Variants in TNIP1 observed in about 807,000 individuals in gnomAD.
TNIP1 encodes TNFAIP3-interacting protein 1.
Under a neutral mutation model 86.6 loss-of-function variants are expected in TNIP1, and 22 were observed. The observed-to-expected ratio is 0.25, with a 90% confidence interval of 0.18 to 0.36. The LOEUF is 0.36. Ranked by LOEUF, TNIP1 falls within the 10% of genes least tolerant of loss-of-function variation. The pLI is 1.00. For synonymous variants in TNIP1, 294 were observed against 313.0 expected, an observed-to-expected ratio of 0.94 and a Z score of 0.64; for missense variants, 709 against 820.6, an observed-to-expected ratio of 0.86 and a Z score of 1.66.
upstream of TNIP1, among the ~76,000 whole-genome samples, chr5:151,081,579 G>T (rs542740457): frequency 6.6e-6 from 1 of 152,234 alleles, no homozygotes; most frequent in African/African-American, 2.4e-5. Flanking sequence ...TCCAGACATT[G>T]TAAAGGATTC....
At chr5:151,077,238 G>A (rs774833673) in intron 1 of TNIP1, among the ~76,000 whole-genome samples, 1 of 152,194 alleles carries the variant, frequency 6.6e-6, no homozygotes, top group African/African-American at 2.4e-5. Flanking sequence ...CCGTGATAGT[G>A]ACATTAATCT....
At chr5:151,048,493 G>C (rs1464455006) in intron 8 of TNIP1, among the ~76,000 whole-genome samples, 1 of 152,156 alleles carries the variant, frequency 6.6e-6, no homozygotes, top group African/African-American at 2.4e-5. Flanking sequence ...TATTCCACCT[G>C]CATGCAATTC....
intron 3 of TNIP1, among the ~76,000 whole-genome samples, chr5:151,062,877 C>CAATA (rs2113699071): frequency 6.6e-6 from 1 of 152,370 alleles, no homozygotes; most frequent in South Asian, 2.1e-4. Context: ...AACCACCAGC[C>CAATA]AATAGAAGGC....
intron 17 of TNIP1, chr5:151,031,997 C>T (rs571307145): frequency 1.1e-4 from 35 of 306,768 alleles, no homozygotes; most frequent in Non-Finnish European, 2.0e-4. Flanking sequence ...TTCTGCCTCC[C>T]TCATTAGACA....
At chr5:151,049,748 C>A in intron 8 of TNIP1, 76 bp downstream of exon 8, 1 of 1,561,640 alleles carries the variant, frequency 6.4e-7, no homozygotes. Context: ...AGGAGGCTCA[C>A]TGTCACTGGA....
At position 151,065,010 on chromosome 5, in the gene TNIP1, AC is replaced by A; in HGVS notation, c.85del (p.Val29Ter). ...GEASAAFERL[V>X]KENSRLKEKM... ...TTCCTTCAGCCGGGAATTCTCCTTC[AC>A]TAGGCGCTCAAAAGCTGCGGATGCC... is the stretch of plus-strand genomic sequence containing the variant. On this transcript the variant is annotated frameshift_variant, in exon 2 of 18. Coordinates refer to ENST00000521591, the MANE Select transcript of TNIP1 (RefSeq NM_006058.5). LOFTEE classifies it high-confidence loss of function. 6.2e-7 allele frequency: 1 copy of A among 1,614,114 alleles called. No homozygotes were observed. Among genetic ancestry groups the A allele is most frequent in the Non-Finnish European group, 8.5e-7 (1 of 1,179,996 alleles).
intron 6 of TNIP1, among the ~76,000 whole-genome samples, chr5:151,055,486 A>G (rs1458920046): frequency 6.6e-6 from 1 of 152,150 alleles, no homozygotes; most frequent in African/African-American, 2.4e-5. Flanking sequence ...TTCAGCCTGG[A>G]TACCTTGAAG....
At position 151,042,552 on chromosome 5, in the gene TNIP1, A is replaced by C. The variant is rs781575350; in HGVS notation, c.1122T>G (p.Ile374Met). Reference protein sequence around the residue: ...DRKLLLAKSKIEMEETDKEQL... With the variant: ...DRKLLLAKSKMEMEETDKEQL... ...CAGTCACACTTGCCTCCTCCATTTCAATCTTGGACTTGGCCAGGAGGAGCT... is the reference window on the plus strand; with the variant it reads ...CAGTCACACTTGCCTCCTCCATTTCCATCTTGGACTTGGCCAGGAGGAGCT... Residue 374 changes from isoleucine (I) to methionine (M), a missense_variant, in exon 11 of 18, where the codon ATT (isoleucine) becomes ATG (methionine). Coordinates refer to ENST00000521591, the MANE Select transcript of TNIP1 (RefSeq NM_006058.5). The C allele has an allele frequency of 5.6e-6, 9 of 1,612,866 alleles. No individual in the cohort carries two copies. In the East Asian group the frequency reaches 1.6e-4, roughly 28 times the overall value.
intron 1 of TNIP1, among the ~76,000 whole-genome samples, chr5:151,066,487 C>T (rs1762250902): frequency 6.6e-6 from 1 of 152,242 alleles, no homozygotes; most frequent in African/African-American, 2.4e-5. Context: ...CAAGTCCACA[C>T]ACCATGCTCC....
chr5:151,064,364 G>T (rs1326779755), intron 2 of TNIP1, among the ~76,000 whole-genome samples: 2 of 152,234 alleles, frequency 1.3e-5, no homozygotes, highest in African/African-American at 4.8e-5. Context: ...GAGTGTGGAA[G>T]AAAGAGAGCC....
intron 4 of TNIP1, 45 bp downstream of exon 4, chr5:151,062,082 G>C: frequency 6.4e-7 from 1 of 1,551,370 alleles, no homozygotes; most frequent in South Asian, 1.1e-5. Flanking sequence ...TAGGACTTGA[G>C]GTCCATCCAG....
At chr5:151,084,690 T>C (rs923559242), upstream of TNIP1, among the ~76,000 whole-genome samples, 1 of 152,052 alleles carries the variant, frequency 6.6e-6, no homozygotes, top group Non-Finnish European at 1.5e-5. Context: ...GGAGAATGAG[T>C]GAATCAGGGC....
intron 17 of TNIP1, chr5:151,032,075 T>C (rs1468577401): frequency 1.7e-6 from 1 of 573,238 alleles, no homozygotes; most frequent in Non-Finnish European, 3.1e-6. Flanking sequence ...CCTAGCACAA[T>C]GCCTGGCATT....
At chr5:151,056,716 G>A (rs756773993) in intron 6 of TNIP1, 50 bp downstream of exon 6, 12 of 1,424,480 alleles carry the variant, frequency 8.4e-6, no homozygotes, top group South Asian at 6.1e-5. Context: ...GGAAGAGCTC[G>A]GGGGGAAGCA....
chr5:151,056,534 C>A (rs1760678040), intron 6 of TNIP1, among the ~76,000 whole-genome samples: 1 of 152,200 alleles, frequency 6.6e-6, no homozygotes, highest in Admixed American at 6.5e-5. Context: ...TATCCCCAAC[C>A]ATGACACTCG....
At position 151,030,446 on chromosome 5, in the gene TNIP1, C is replaced by T. The variant is rs992554312; in HGVS notation, c.*267G>A. 19 of 560,286 alleles carry T rather than the reference C, an allele frequency of 3.4e-5. No individual in the cohort carries two copies. Among genetic ancestry groups the T allele is most frequent in the Admixed American group, 1.9e-4 (6 of 32,166 alleles). 34.7% of individuals were successfully genotyped at this position (560,286 alleles called of 1,614,324 possible). ...TCTGCAACGGATGGTGGGTCAAAGC[C>T]GGATGAGGCCTCTCTCCACTCAGCA... On this transcript the variant is annotated 3_prime_UTR_variant, in exon 18 of 18. Transcript: ENST00000521591.
Position 151,045,978 on chromosome 5 carries a change from C to T in TNIP1, c.847-28G>A, listed in dbSNP as rs755075650. 3.1e-6 allele frequency: 5 copies of T among 1,606,310 alleles called. No individual in the cohort carries two copies. The South Asian group carries it at 3.3e-5, about 11-fold the overall frequency. ...GGGGAGAAGCACAGAGGAGCCTTCA[C>T]CAAAACCTCAATACAAATTATCTCA... On this transcript the variant is annotated intron_variant, in intron 8 of 17. Transcript: ENST00000521591.
Position 151,056,829 on chromosome 5 carries a change from G to T in TNIP1, c.564C>A (p.Ala188=). The T allele has an allele frequency of 6.3e-7, 1 of 1,596,304 alleles. No homozygotes were observed. The highest frequency in any genetic ancestry group is 8.5e-7 in the Non-Finnish European group (1 of 1,171,684). The change falls in exon 6 of 18, where the codon GCC becomes GCA. Residue 188 remains alanine, a synonymous_variant. Coordinates refer to ENST00000521591, the MANE Select transcript of TNIP1 (RefSeq NM_006058.5). ...TGGATGCCAGTCGGTTGAACTCCAG[G>T]GCCATGCGGCCCAGGTGGGTGAAGA... ...GQLFTHLGRM[A]LEFNRLASKV... is the part of the protein sequence containing the mutation.
Position 151,032,357 on chromosome 5 carries a change from A to G in TNIP1, c.1806T>C (p.Cys602=). 2 of 1,614,160 alleles carry G rather than the reference A, an allele frequency of 1.2e-6. No homozygotes were observed. The highest frequency in any genetic ancestry group is 1.7e-6 in the Non-Finnish European group (2 of 1,180,022). ...TCTGATTTGGATTTCGAACCCCTCC[A>G]CAGGGTAGACGCCAGGTGTATTCCG... ...HLPEYTWRLP[C]GGVRNPNQSS... Residue 602 remains cysteine (C), a synonymous_variant, in exon 17 of 18, where the codon TGT becomes TGC. Coordinates refer to ENST00000521591, the MANE Select transcript of TNIP1 (RefSeq NM_006058.5).
Sources: allele counts gnomAD v4.1 joint callset (sites outside exome capture counted in the v4.1 genomes callset), GRCh38; gene constraint gnomAD v4.1.1; transcripts MANE v1.5; gene names NCBI Gene and HGNC (gene_info 2026-07-23, HGNC 2026-07-21).